Variants in PCDHA4 observed in about 807,000 individuals in gnomAD.
PCDHA4 encodes the protein protocadherin alpha-4.
In PCDHA4, 49 loss-of-function variants were observed where a neutral mutation model predicts 61.4. The ratio of observed to expected loss-of-function variants is 0.80; its 90% CI spans 0.63 to 1.01. The LOEUF (loss-of-function observed/expected upper bound fraction) is 1.01, where lower values mean the gene tolerates loss of function less well. Among genes scored for constraint, PCDHA4 ranks in the 50% least tolerant of loss-of-function variants. The pLI, the probability that PCDHA4 is intolerant of heterozygous loss-of-function variation, is 0.00. For synonymous variants in PCDHA4, 590 were observed against 550.3 expected (o/e 1.07, Z -1.01); for missense variants, 1,254 against 1,235.8 (o/e 1.01, Z -0.22).
Position 140,877,183 on chromosome 5 carries a change from G to A in PCDHA4, c.2385+67611G>A, listed in dbSNP as rs201399892. 787 of 1,613,846 alleles carry A rather than the reference G, an allele frequency of 4.9e-4. 5 individuals are homozygous for A. The African/African-American group carries it at 9.2e-3, about 19-fold the overall frequency. ...GCCGGCACTGCTGGCGACTCCGGCT[G>A]GCAGCGCAGGAGGCGCAGTTAGCGA... On this transcript the variant is annotated intron_variant, in intron 1 of 3. Transcript: ENST00000530339.
At chr5:140,853,560 A>G in intron 1 of PCDHA4, 1 of 981,448 alleles carries the variant, frequency 1.0e-6, no homozygotes, top group Non-Finnish European at 1.2e-6. Flanking sequence ...ATATAGGAAA[A>G]ACTAAGTTGT....
chr5:140,927,769 G>A (rs1471080821), intron 1 of PCDHA4: 4 of 1,614,084 alleles, frequency 2.5e-6, no homozygotes, highest in African/African-American at 2.7e-5. Context: ...AAGTGGGGAG[G>A]TGCAAGTAGC....
At chr5:140,814,502 A>G (rs1765530866) in intron 1 of PCDHA4, 1 of 152,008 alleles carries the variant, frequency 6.6e-6, no homozygotes, top group African/African-American at 2.4e-5. Flanking sequence ...GTACACTGTA[A>G]AATACCACTA....
chr5:140,823,733 A>G (rs2150128573), intron 1 of PCDHA4: 3 of 1,613,866 alleles, frequency 1.9e-6, no homozygotes, highest in Non-Finnish European at 1.7e-6. Flanking sequence ...GTGAAGGACC[A>G]TGGAGAGCCC....
rs1296767379 is a variant in PCDHA4 at position 140,898,372 on chromosome 5, T to C, written c.2386-80577T>C. ...ATCTTGAATTAATTTTTGTATAAGG[T>C]GTAAGGAAGGGATCCAGTTTCAGCT... On this transcript the variant is annotated intron_variant, in intron 1 of 3. Coordinates refer to ENST00000530339, the MANE Select transcript of PCDHA4 (RefSeq NM_018907.4). Among the ~76,000 whole-genome samples, 5 of 152,320 alleles carry C rather than the reference T, an allele frequency of 3.3e-5. No individual in the cohort carries two copies. In the East Asian group the frequency reaches 9.6e-4, roughly 29 times the overall value.
chr5:140,856,559 C>G lies in PCDHA4; in HGVS notation c.2385+46987C>G, dbSNP rs782226001. On this transcript the variant is annotated intron_variant, in intron 1 of 3. Coordinates refer to ENST00000530339, the MANE Select transcript of PCDHA4 (RefSeq NM_018907.4). ...AGAGAACGCATTGCTTACTTACAAACTCAGTCCAAATGAGTATTTTGTTCT... is the reference window on the plus strand; with the variant it reads ...AGAGAACGCATTGCTTACTTACAAAGTCAGTCCAAATGAGTATTTTGTTCT... 6 of 1,597,988 alleles carry G rather than the reference C, an allele frequency of 3.8e-6. No homozygotes were observed. In the Middle Eastern group the frequency reaches 5.0e-4, roughly 133 times the overall value.
At position 140,999,623 on chromosome 5, in the gene PCDHA4, A is replaced by G. The variant is rs188539860; in HGVS notation, c.2534-10004A>G. ...CCTGGGGGACCTTATCAACCAGGAAACAAGGTAGAGAAAACTGTGCAGCCT... is the reference window on the plus strand; with the variant it reads ...CCTGGGGGACCTTATCAACCAGGAAGCAAGGTAGAGAAAACTGTGCAGCCT... On this transcript the variant is annotated intron_variant, in intron 3 of 3. Transcript: ENST00000530339. Among the ~76,000 whole-genome samples the G allele has an allele frequency of 1.3e-4, 20 of 152,330 alleles. No individual in the cohort carries two copies. In the East Asian group the frequency reaches 3.9e-3, roughly 29 times the overall value.
At chr5:140,842,526 A>G (rs2150338157) in intron 1 of PCDHA4, 11 of 1,613,304 alleles carry the variant, frequency 6.8e-6, no homozygotes, top group African/African-American at 1.3e-5. Flanking sequence ...TCCACCTTCA[A>G]GAATTACTAC....
At chr5:140,956,381 G>T (rs1380347643) in intron 1 of PCDHA4, among the ~76,000 whole-genome samples, 2 of 152,090 alleles carry the variant, frequency 1.3e-5, no homozygotes, top group African/African-American at 4.8e-5. Context: ...TTTTATCGAA[G>T]GCCTTTTCTG....
At chr5:140,826,225 A>T (rs1768853170) in intron 1 of PCDHA4, among the ~76,000 whole-genome samples, 1 of 152,198 alleles carries the variant, frequency 6.6e-6, no homozygotes, top group Non-Finnish European at 1.5e-5. Flanking sequence ...AAGTTTTGTG[A>T]TATAAACTAT....
At chr5:140,967,849 T>C in intron 1 of PCDHA4, 1 of 1,614,116 alleles carries the variant, frequency 6.2e-7, no homozygotes, top group Non-Finnish European at 8.5e-7. Flanking sequence ...TGAATGACAA[T>C]GCCCCAGAGG....
intron 1 of PCDHA4, among the ~76,000 whole-genome samples, chr5:140,937,039 CTTT>C (rs34994034): frequency 1.4e-5 from 2 of 140,152 alleles, no homozygotes; most frequent in African/African-American, 5.3e-5. Flanking sequence ...TTCCATTTAT[CTTT>C]TTTTTTTTTT....
intron 1 of PCDHA4, chr5:140,851,545 G>T (rs912054365): frequency 2.4e-5 from 22 of 908,160 alleles, no homozygotes; most frequent in Non-Finnish European, 2.7e-5. Flanking sequence ...GATAATTCAA[G>T]AAATGTTGAC....
At chr5:140,971,728 C>A (rs1221096186) in intron 1 of PCDHA4, among the ~76,000 whole-genome samples, 2 of 151,550 alleles carry the variant, frequency 1.3e-5, no homozygotes, top group African/African-American at 2.4e-5. Flanking sequence ...GTATATCATA[C>A]ATATACACAT....
chr5:140,884,454 A>G, intron 1 of PCDHA4: 2 of 1,613,688 alleles, frequency 1.2e-6, no homozygotes, highest in Non-Finnish European at 1.7e-6. Flanking sequence ...CCGCCCACCG[A>G]GGGCGCGTGC....
intron 1 of PCDHA4, among the ~76,000 whole-genome samples, chr5:140,924,229 T>G (rs543275737): frequency 6.6e-6 from 1 of 152,258 alleles, no homozygotes; most frequent in Non-Finnish European, 1.5e-5. Flanking sequence ...TCAATTTTTA[T>G]GGGCTGTTTT....
chr5:140,993,631 G>C (rs1466996708), intron 3 of PCDHA4, among the ~76,000 whole-genome samples: 1 of 152,046 alleles, frequency 6.6e-6, no homozygotes, highest in African/African-American at 2.4e-5. Context: ...ATATATAGTC[G>C]TGTACCAAAT....
chr5:140,908,998 C>G (rs2074255436), intron 1 of PCDHA4, among the ~76,000 whole-genome samples: 1 of 152,156 alleles, frequency 6.6e-6, no homozygotes, highest in South Asian at 2.1e-4. Flanking sequence ...AGAAATTTTA[C>G]TGAGGTAGAA....
chr5:140,925,641 T>TATAATAATA (rs10569930), intron 1 of PCDHA4, among the ~76,000 whole-genome samples: 4,530 of 143,294 alleles, frequency 0.032, 85 homozygotes, highest in Middle Eastern at 0.043. Flanking sequence ...GAACTTAAAG[T>TATAATAATA]ATAATAATAA....
Sources: gnomAD v4.1 joint callset for allele counts (sites outside exome capture counted in the v4.1 genomes callset) on GRCh38, gnomAD v4.1.1 for gene constraint, MANE v1.5 for transcripts, NCBI Gene and HGNC (gene_info 2026-07-23, HGNC 2026-07-21) for gene names.